Variants in PRKG1 observed in about 807,000 individuals in gnomAD.
The protein encoded by PRKG1 is protein kinase cGMP-dependent 1.
PRKG1 carries 35 observed loss-of-function variants against 88.1 expected under a neutral mutation model. The observed-to-expected ratio is 0.40, with a 90% confidence interval of 0.30 to 0.53. The LOEUF (loss-of-function observed/expected upper bound fraction) is 0.53. PRKG1 is among the 20% of genes least tolerant of loss of function. The pLI, the probability that PRKG1 is intolerant of heterozygous loss-of-function variation, is 0.59. For missense variants in PRKG1, 540 were observed against 839.8 expected (o/e 0.64, Z 4.41); for synonymous variants, 303 against 292.5 (o/e 1.04, Z -0.37).
chr10:52,192,200 A>G (rs935389489), intron 9 of PRKG1, among the ~76,000 whole-genome samples: 1 of 152,020 alleles, frequency 6.6e-6, no homozygotes, highest in Admixed American at 6.6e-5. Context: ...TTTCTTCTTG[A>G]TACAGCCTGT....
rs564468857 is a variant in PRKG1, at chr10:51,967,111, G to A, written c.762+59541G>A. ...TGCTGCTATAAAGACACATGCACACGTATGTTTATTGCAGCACTATTCACA... is the reference window on the plus strand; with the variant it reads ...TGCTGCTATAAAGACACATGCACACATATGTTTATTGCAGCACTATTCACA... On this transcript the variant is annotated intron_variant, in intron 5 of 17. Transcript: ENST00000373980. Among the ~76,000 whole-genome samples the A allele has an allele frequency of 1.7e-3, 254 of 152,250 alleles. 1 individual carries two copies. Among genetic ancestry groups the A allele is most frequent in the African/African-American group, 5.8e-3 (240 of 41,536 alleles).
chr10:51,618,956 T>C (rs1839137091), intron 3 of PRKG1, among the ~76,000 whole-genome samples: 1 of 149,508 alleles, frequency 6.7e-6, no homozygotes, highest in South Asian at 2.1e-4. Flanking sequence ...TTTTTTTTTT[T>C]AGTAGGGACA....
chr10:51,164,528 A>G (rs868456851), intron 2 of PRKG1, among the ~76,000 whole-genome samples: 7 of 152,380 alleles, frequency 4.6e-5, no homozygotes, highest in African/African-American at 1.4e-4. Context: ...CTCACCAGCA[A>G]CGGAACAAAG....
intron 3 of PRKG1, among the ~76,000 whole-genome samples, chr10:51,787,682 C>T (rs140636232): frequency 2.9e-4 from 44 of 152,298 alleles, no homozygotes; most frequent in Non-Finnish European, 4.7e-4. Flanking sequence ...CTGCCATTCC[C>T]TGCTGAAGGA....
intron 7 of PRKG1, among the ~76,000 whole-genome samples, chr10:52,069,571 A>G (rs1346995381): frequency 1.3e-5 from 2 of 152,174 alleles, no homozygotes; most frequent in Non-Finnish European, 2.9e-5. Flanking sequence ...ATTATAGTAC[A>G]GAAATTAAGT....
At chr10:52,164,410 A>G (rs955915434) in intron 9 of PRKG1, among the ~76,000 whole-genome samples, 3 of 151,624 alleles carry the variant, frequency 2.0e-5, no homozygotes, top group Non-Finnish European at 4.4e-5. Flanking sequence ...ACTAGAAATA[A>G]CTAGAAATAT....
chr10:51,705,449 A>G (rs1015496575), intron 3 of PRKG1, among the ~76,000 whole-genome samples: 1 of 152,240 alleles, frequency 6.6e-6, no homozygotes, highest in Non-Finnish European at 1.5e-5. Context: ...CCTTTTGCTT[A>G]CAAAATACTT....
At chr10:51,035,539 A>C (rs1016054345) in intron 1 of PRKG1, among the ~76,000 whole-genome samples, 11 of 152,182 alleles carry the variant, frequency 7.2e-5, no homozygotes, top group Admixed American at 2.6e-4. Flanking sequence ...TATTTCCTGC[A>C]TGCCTGCATT....
intron 1 of PRKG1, among the ~76,000 whole-genome samples, chr10:51,107,640 A>G (rs1029330071): frequency 1.3e-5 from 2 of 151,732 alleles, no homozygotes; most frequent in Admixed American, 6.6e-5. Context: ...GAACAGCAAC[A>G]CAGTGAGACC....
In PRKG1 at chr10:51,466,513, T is replaced by G. The variant is rs1277567739; in HGVS notation, c.479-1210T>G. ...ATGTGAAATGGTTTTCAGGGTAGGA[T>G]AATGTCCTCTGAAGGGTGAATCACG... On this transcript the variant is annotated intron_variant, in intron 2 of 17. Transcript: ENST00000373980. Among the ~76,000 whole-genome samples the G allele has an allele frequency of 2.0e-5, 3 of 152,068 alleles. 1 individual carries two copies. The highest frequency in any genetic ancestry group is 4.4e-5 in the Non-Finnish European group (3 of 67,922).
At chr10:52,063,015 A>G (rs572310052) in intron 7 of PRKG1, among the ~76,000 whole-genome samples, 2 of 152,302 alleles carry the variant, frequency 1.3e-5, no homozygotes, top group Admixed American at 6.5e-5. Flanking sequence ...TGTACAAACA[A>G]TTGTTATGGG....
intron 5 of PRKG1, among the ~76,000 whole-genome samples, chr10:52,019,946 G>A (rs1411418684): frequency 6.6e-6 from 1 of 151,746 alleles, no homozygotes; most frequent in Non-Finnish European, 1.5e-5. Flanking sequence ...GAGTCTCTGA[G>A]GACAAAGGCA....
At chr10:52,020,998 T>G (rs1454236919) in intron 5 of PRKG1, among the ~76,000 whole-genome samples, 1 of 152,168 alleles carries the variant, frequency 6.6e-6, no homozygotes, top group African/African-American at 2.4e-5. Context: ...GTTGCCAAAC[T>G]GTCACCTGAC....
intron 3 of PRKG1, among the ~76,000 whole-genome samples, chr10:51,709,633 G>A (rs1006656169): frequency 6.6e-5 from 10 of 152,222 alleles, no homozygotes; most frequent in Admixed American, 1.3e-4. Flanking sequence ...CTAGGAAAGA[G>A]AAGCTGATGC....
At chr10:51,163,727 C>A (rs191450458) in intron 2 of PRKG1, among the ~76,000 whole-genome samples, 34 of 152,190 alleles carry the variant, frequency 2.2e-4, no homozygotes, top group African/African-American at 8.2e-4. Context: ...TAAAAAACGG[C>A]GCACCAGGAG....
intron 9 of PRKG1, among the ~76,000 whole-genome samples, chr10:52,221,901 G>A (rs1049811507): frequency 1.3e-5 from 2 of 152,200 alleles, no homozygotes; most frequent in Admixed American, 6.5e-5. Flanking sequence ...ATTGGATTAA[G>A]TGCTTTCAGA....
chr10:51,692,641 A>G (rs953282581), intron 3 of PRKG1, among the ~76,000 whole-genome samples: 1 of 152,092 alleles, frequency 6.6e-6, no homozygotes, highest in East Asian at 1.9e-4. Context: ...ATACTCAGCT[A>G]ATTTTTACAT....
chr10:51,937,768 A>T (rs1358325626), intron 5 of PRKG1, among the ~76,000 whole-genome samples: 2 of 152,066 alleles, frequency 1.3e-5, no homozygotes, highest in Non-Finnish European at 2.9e-5. Context: ...AAGTCCAAAA[A>T]TTCATCCAAA....
At chr10:51,678,535 C>T (rs1047023593) in intron 3 of PRKG1, among the ~76,000 whole-genome samples, 62 of 152,260 alleles carry the variant, frequency 4.1e-4, no homozygotes, top group African/African-American at 1.4e-3. Context: ...ATGCAGTCAG[C>T]ATCGGAATGA....
Sources: allele counts gnomAD v4.1 joint callset (sites outside exome capture counted in the v4.1 genomes callset), GRCh38; gene constraint gnomAD v4.1.1; transcripts MANE v1.5; gene names NCBI Gene and HGNC (gene_info 2026-07-23, HGNC 2026-07-21).